The following RAP1A variants were observed in gnomAD, a reference collection of about 807,000 sequenced individuals.
RAP1A encodes ras-related protein Rap-1A.
In RAP1A, 6 loss-of-function variants were observed where a neutral mutation model predicts 26.4. That is an observed-to-expected ratio of 0.23 (90% CI 0.12 to 0.45). RAP1A has a LOEUF of 0.45. RAP1A is among the 20% of genes least tolerant of loss of function. RAP1A has a pLI of 0.99. For missense variants in RAP1A, 121 were observed against 217.2 expected (o/e 0.56, Z 2.78); for synonymous variants, 73 against 79.4 (o/e 0.92, Z 0.43).
chr1:111,577,098 T>G (rs993687440), intron 1 of RAP1A, among the ~76,000 whole-genome samples: 2 of 151,996 alleles, frequency 1.3e-5, no homozygotes, highest in Non-Finnish European at 2.9e-5. Context: ...GGAGGATGAA[T>G]TATGAAACAA....
At chr1:111,637,639 CT>C (rs893312745) in intron 1 of RAP1A, among the ~76,000 whole-genome samples, 2 of 152,074 alleles carry the variant, frequency 1.3e-5, no homozygotes, top group African/African-American at 4.8e-5. Flanking sequence ...GCATATATGC[CT>C]TTTCTTTGAT....
intron 1 of RAP1A, among the ~76,000 whole-genome samples, chr1:111,622,826 C>T (rs1294629914): frequency 6.6e-6 from 1 of 152,176 alleles, no homozygotes; most frequent in Non-Finnish European, 1.5e-5. Flanking sequence ...TAGACAGGGT[C>T]TCTGCCCTCA....
intron 3 of RAP1A, 25 bp from the exon 4 acceptor site, chr1:111,697,416 C>CTT (rs34219774): frequency 9.0e-4 from 1,414 of 1,570,240 alleles, no homozygotes; most frequent in African/African-American, 3.8e-3. Flanking sequence ...ACTCTTTAAC[C>CTT]TTTTTTTTTT....
intron 1 of RAP1A, among the ~76,000 whole-genome samples, chr1:111,624,407 A>G (rs1222102622): frequency 6.6e-6 from 1 of 152,218 alleles, no homozygotes; most frequent in African/African-American, 2.4e-5. Flanking sequence ...ATATTAGCTC[A>G]TTTACATTTT....
intron 5 of RAP1A, among the ~76,000 whole-genome samples, 197 bp from the exon 6 acceptor site, chr1:111,704,146 C>A (rs1052180878): frequency 1.6e-4 from 20 of 125,936 alleles, no homozygotes; most frequent in African/African-American, 3.9e-4. Flanking sequence ...AGGATCTCTT[C>A]CATTTTTTTT....
chr1:111,620,045 T>G, intron 1 of RAP1A, 111 bp downstream of exon 1: 1 of 390,256 alleles, frequency 2.6e-6, no homozygotes, highest in Non-Finnish European at 4.5e-6. Context: ...TGGCTCCCCC[T>G]TCCTCCTCCG....
At position 111,603,353 on chromosome 1, in the gene RAP1A, A is replaced by G. The variant is rs77788780; in HGVS notation, c.-28+60844A>G. On this transcript the variant is annotated intron_variant, in intron 1 of 7. Coordinates refer to the RAP1A transcript ENST00000356415. ...CCAGTATGTGGGAAGGGTAATGACA[A>G]CAAAGGAAAATTGCCACCTATCGCC... Among the ~76,000 whole-genome samples the G allele has an allele frequency of 8.0e-3, 1,225 of 152,296 alleles. 11 individuals carry two copies. The highest frequency in any genetic ancestry group is 0.036 in the South Asian group (176 of 4,822).
chr1:111,658,296 A>T (rs1190332360), intron 1 of RAP1A, among the ~76,000 whole-genome samples: 1 of 152,168 alleles, frequency 6.6e-6, no homozygotes, highest in African/African-American at 2.4e-5. Context: ...CCTAGCTGTG[A>T]TCACACCACT....
chr1:111,676,860 C>T (rs1399610286), intron 1 of RAP1A, among the ~76,000 whole-genome samples: 1 of 151,760 alleles, frequency 6.6e-6, no homozygotes, highest in Non-Finnish European at 1.5e-5. Flanking sequence ...GTGGTACAAT[C>T]TCAACTCACT....
chr1:111,572,985 A>G (rs1394817323), intron 1 of RAP1A, among the ~76,000 whole-genome samples: 1 of 152,136 alleles, frequency 6.6e-6, no homozygotes, highest in Non-Finnish European at 1.5e-5. Flanking sequence ...CACTTATAAG[A>G]AAAAATGTGC....
intron 1 of RAP1A, among the ~76,000 whole-genome samples, chr1:111,644,877 T>TA (rs1660015748): frequency 6.6e-6 from 1 of 152,212 alleles, no homozygotes; most frequent in Non-Finnish European, 1.5e-5. Context: ...GCTTATGCTT[T>TA]AAAAAAGATT....
At chr1:111,575,883 C>T (rs1417579015) in intron 1 of RAP1A, among the ~76,000 whole-genome samples, 1 of 152,164 alleles carries the variant, frequency 6.6e-6, no homozygotes, top group Non-Finnish European at 1.5e-5. Flanking sequence ...GATCACCTAG[C>T]ACATGAATGC....
Position 111,648,168 on chromosome 1 carries a change from TCAAA to T in RAP1A, c.-28+28237_-28+28240del, listed in dbSNP as rs1660131399. 3 of 308,990 alleles carry T rather than the reference TCAAA, an allele frequency of 9.7e-6. No homozygotes were observed. In the Admixed American group the frequency reaches 1.3e-4, roughly 14 times the overall value. The allele number at this position is 308,990 out of a possible 1,614,324, so 19.1% of individuals were successfully genotyped here. On this transcript the variant is annotated intron_variant, in intron 1 of 7. Transcript: ENST00000369709. ...TCACTGGAGCCTCTGCCTCCCAGGTTCAAACAGTGTGTGTGTGTGTGTGTGTGTG... is the reference window on the plus strand; with the variant it reads ...TCACTGGAGCCTCTGCCTCCCAGGTTCAGTGTGTGTGTGTGTGTGTGTGTG...
chr1:111,704,230 T>A (rs752539199), intron 5 of RAP1A, 113 bp from the exon 6 acceptor site: 12 of 1,097,624 alleles, frequency 1.1e-5, no homozygotes, highest in Admixed American at 5.3e-5. Context: ...TGATGAAGCT[T>A]GCGGTCCCAA....
intron 1 of RAP1A, among the ~76,000 whole-genome samples, chr1:111,551,851 C>T (rs560990498): frequency 2.0e-5 from 3 of 151,728 alleles, no homozygotes; most frequent in South Asian, 2.1e-4. Context: ...GTTTACAGTT[C>T]GGCCTTGGCC....
intron 1 of RAP1A, among the ~76,000 whole-genome samples, chr1:111,553,933 T>C (rs1189167233): frequency 6.6e-6 from 1 of 152,222 alleles, no homozygotes; most frequent in African/African-American, 2.4e-5. Context: ...TTGTGTTATT[T>C]TCTAGTGGTT....
chr1:111,583,490 A>G (rs1363955337), intron 1 of RAP1A, among the ~76,000 whole-genome samples: 2 of 151,668 alleles, frequency 1.3e-5, no homozygotes, highest in African/African-American at 4.9e-5. Context: ...AAATACAGTC[A>G]GTTTAAGCAC....
intron 1 of RAP1A, among the ~76,000 whole-genome samples, chr1:111,687,500 C>T (rs1392582940): frequency 6.6e-6 from 1 of 152,090 alleles, no homozygotes; most frequent in African/African-American, 2.4e-5. Context: ...GAGCCACCAC[C>T]CCTAGCCTGA....
At chr1:111,680,222 AGAGT>A (rs1254088682) in intron 1 of RAP1A, among the ~76,000 whole-genome samples, 1 of 152,218 alleles carries the variant, frequency 6.6e-6, no homozygotes, top group Non-Finnish European at 1.5e-5. Flanking sequence ...ACGGACCCAA[AGAGT>A]GAGCAGCAGC....
Sources: allele counts gnomAD v4.1 joint callset (sites outside exome capture counted in the v4.1 genomes callset), GRCh38; gene constraint gnomAD v4.1.1; transcripts MANE v1.5; gene names NCBI Gene and HGNC (gene_info 2026-07-23, HGNC 2026-07-21).